THRB: variants seen among roughly 807,000 people sequenced by gnomAD.
The protein encoded by THRB is thyroid hormone receptor beta.
Under a neutral mutation model 47.8 loss-of-function variants are expected in THRB, and 12 were observed. The ratio of observed to expected loss-of-function variants is 0.25; its 90% confidence interval spans 0.16 to 0.41. The LOEUF (loss-of-function observed/expected upper bound fraction) is 0.41, where lower values mean the gene tolerates loss of function less well. Among genes scored for constraint, THRB ranks in the 10% least tolerant of loss-of-function variants. THRB has a pLI of 1.00. For synonymous variants in THRB, 218 were observed against 212.2 expected (o/e 1.03, Z -0.24); for missense variants, 348 against 589.2 (o/e 0.59, Z 4.24).
chr3:24,286,790 C>T (rs1264713273), intron 3 of THRB, among the ~76,000 whole-genome samples: 1 of 151,890 alleles, frequency 6.6e-6, no homozygotes, highest in Non-Finnish European at 1.5e-5. Flanking sequence ...TTTTTAATAC[C>T]TTTCTTTACC....
At chr3:24,317,777 C>A (rs2058222833) in intron 2 of THRB, among the ~76,000 whole-genome samples, 1 of 152,166 alleles carries the variant, frequency 6.6e-6, no homozygotes, top group Admixed American at 6.5e-5. Flanking sequence ...CTAACTTCAG[C>A]CAGGTTCAGT....
At chr3:24,340,486 CTT>C (rs138578441) in intron 1 of THRB, among the ~76,000 whole-genome samples, 8 of 144,168 alleles carry the variant, frequency 5.5e-5, no homozygotes, top group Non-Finnish European at 9.2e-5. Context: ...TATTAGTGGC[CTT>C]TTTTTTTTTG....
At chr3:24,396,279 A>C (rs1226226137) in intron 1 of THRB, among the ~76,000 whole-genome samples, 1 of 152,096 alleles carries the variant, frequency 6.6e-6, no homozygotes, top group South Asian at 2.1e-4. Context: ...TCAAATCCCA[A>C]TGCCTGGGCC....
At chr3:24,432,989 A>T (rs2070598125) in intron 1 of THRB, among the ~76,000 whole-genome samples, 1 of 152,104 alleles carries the variant, frequency 6.6e-6, no homozygotes, top group African/African-American at 2.4e-5. Context: ...GTCTAAAAAT[A>T]TCTAATGATA....
rs574097255 is a variant in THRB at position 24,478,756 on chromosome 3, C to T, written c.-261+15896G>A. Among the ~76,000 whole-genome samples the T allele has an allele frequency of 2.4e-4, 36 of 152,054 alleles. 1 individual carries two copies. The highest frequency in any genetic ancestry group is 1.0e-3 in the Admixed American group (16 of 15,278). On this transcript the variant is annotated intron_variant, in intron 1 of 10. Coordinates refer to ENST00000646209, the MANE Select transcript of THRB (RefSeq NM_001354712.2). ...ATTTTCCGGATTTGGAAACATCTCCCCCTACCCCATGAGGGCGAAGATCAT... is the reference window on the plus strand; with the variant it reads ...ATTTTCCGGATTTGGAAACATCTCCTCCTACCCCATGAGGGCGAAGATCAT...
In THRB at chr3:24,122,735, T is replaced by C; in HGVS notation, c.*149A>G. On this transcript the variant is annotated 3_prime_UTR_variant, in exon 11 of 11. Coordinates refer to ENST00000646209, the MANE Select transcript of THRB (RefSeq NM_001354712.2). ...TCAAGTACCCGCATTCAAGGGGCAATTTCATCCATGTCTATGCCAAGGACT... is the reference window on the plus strand; with the variant it reads ...TCAAGTACCCGCATTCAAGGGGCAACTTCATCCATGTCTATGCCAAGGACT... The C allele has an allele frequency of 1.8e-6, 2 of 1,116,184 alleles. No homozygotes were observed. The highest frequency in any genetic ancestry group is 3.9e-5 in the Admixed American group (2 of 51,872). 69.1% of individuals were successfully genotyped at this position (1,116,184 alleles called of 1,614,324 possible). A position where few individuals can be genotyped will look rare whatever the true frequency, so the allele number is the denominator to read the frequency against.
In THRB at chr3:24,354,288, G is replaced by C. The variant is rs139133859; in HGVS notation, c.-260-16917C>G. ...CTAATGAGTAGTAGGCTTAATACCT[G>C]GGTGATGAAATAATCTATACAACAA... On this transcript the variant is annotated intron_variant, in intron 1 of 10. Transcript: ENST00000646209. Among the ~76,000 whole-genome samples, 1,227 of 152,162 alleles carry C rather than the reference G, an allele frequency of 8.1e-3. 18 individuals are homozygous for C. Among genetic ancestry groups the C allele is most frequent in the African/African-American group, 0.028 (1,165 of 41,532 alleles).
chr3:24,463,668 G>A (rs1387658698), intron 1 of THRB, among the ~76,000 whole-genome samples: 1 of 152,158 alleles, frequency 6.6e-6, no homozygotes, highest in East Asian at 1.9e-4. Context: ...TGCTGCTTGG[G>A]GAATTTTCAC....
chr3:24,219,131 G>C (rs2046913268), intron 4 of THRB, among the ~76,000 whole-genome samples: 1 of 151,902 alleles, frequency 6.6e-6, no homozygotes, highest in Non-Finnish European at 1.5e-5. Flanking sequence ...AAAACATTTA[G>C]CTGAGTGTGG....
chr3:24,369,083 T>A (rs2064714933), intron 1 of THRB, among the ~76,000 whole-genome samples: 1 of 152,128 alleles, frequency 6.6e-6, no homozygotes. Flanking sequence ...CCCAGGCTGG[T>A]CTCAAACTCC....
chr3:24,371,975 T>C (rs1284847421), intron 1 of THRB, among the ~76,000 whole-genome samples: 1 of 152,136 alleles, frequency 6.6e-6, no homozygotes. Flanking sequence ...CTCCTCTTGT[T>C]CTTTCTCTAT....
intron 1 of THRB, among the ~76,000 whole-genome samples, chr3:24,418,360 C>T (rs1429736137): frequency 6.7e-6 from 1 of 150,168 alleles, no homozygotes; most frequent in Admixed American, 6.6e-5. Flanking sequence ...CTTGGTTTAT[C>T]TAGGTCCCAA....
At chr3:24,364,382 T>C (rs2149680457) in intron 1 of THRB, among the ~76,000 whole-genome samples, 1 of 152,334 alleles carries the variant, frequency 6.6e-6, no homozygotes, top group Non-Finnish European at 1.5e-5. Flanking sequence ...ATTTTCTAAA[T>C]GTCTACTATA....
chr3:24,119,543 CGAG>C lies in THRB; in HGVS notation c.*3338_*3340del, dbSNP rs2031266015. ...GCTGAGTCTGTGGGGGGCTTAGTGT[CGAG>C]GAGGGGCCAGGGCTTGTACCCCTGT... On this transcript the variant is annotated 3_prime_UTR_variant, in exon 11 of 11. Transcript: ENST00000646209. The C allele has an allele frequency of 6.6e-6, 1 of 152,188 alleles. No homozygotes were observed. Among genetic ancestry groups the C allele is most frequent in the African/African-American group, 2.4e-5 (1 of 41,262 alleles). 9.4% of individuals were successfully genotyped at this position (152,188 alleles called of 1,614,324 possible). A position where few individuals can be genotyped will look rare whatever the true frequency, so the allele number is the denominator to read the frequency against.
chr3:24,379,134 A>G (rs1338364942), intron 1 of THRB, among the ~76,000 whole-genome samples: 1 of 152,170 alleles, frequency 6.6e-6, no homozygotes, highest in Non-Finnish European at 1.5e-5. Context: ...CATATATGTA[A>G]ATATATAAAT....
intron 1 of THRB, among the ~76,000 whole-genome samples, chr3:24,347,698 T>C (rs138038258): frequency 2.6e-5 from 4 of 151,578 alleles, no homozygotes; most frequent in African/African-American, 7.3e-5. Flanking sequence ...AGGGGATACA[T>C]GAACACTTCA....
rs150727807 is a variant in THRB, at chr3:24,163,264, T to C, written c.284-10774A>G. Reference sequence around the variant, plus strand: ...TTAAGAATATTTGCCTGTTTTGATTTAGTGAGTTTGGCAGGTGGCGGTGGC... The same window carrying C: ...TTAAGAATATTTGCCTGTTTTGATTCAGTGAGTTTGGCAGGTGGCGGTGGC... On this transcript the variant is annotated intron_variant, in intron 5 of 10. Coordinates refer to ENST00000646209, the MANE Select transcript of THRB (RefSeq NM_001354712.2). 9.4e-3 allele frequency among the ~76,000 whole-genome samples: 1,438 copies of C among 152,320 alleles called. 22 individuals carry two copies. Among genetic ancestry groups the C allele is most frequent in the Non-Finnish European group, 0.014 (977 of 68,028 alleles).
chr3:24,181,030 T>C (rs59284667), intron 5 of THRB, among the ~76,000 whole-genome samples: 5,606 of 152,260 alleles, frequency 0.037, 151 homozygotes, highest in African/African-American at 0.068. Context: ...CTAGACTTCG[T>C]AGAGACTGAA....
chr3:24,360,728 T>G (rs151164029), intron 1 of THRB, among the ~76,000 whole-genome samples: 22 of 152,306 alleles, frequency 1.4e-4, no homozygotes, highest in African/African-American at 4.6e-4. Context: ...CACTTGGTAC[T>G]AAGCATATTC....
Sources: allele counts gnomAD v4.1 joint callset (sites outside exome capture counted in the v4.1 genomes callset), GRCh38; gene constraint gnomAD v4.1.1; transcripts MANE v1.5; gene names NCBI Gene and HGNC (gene_info 2026-07-23, HGNC 2026-07-21).